DNAJB2: variants seen among roughly 807,000 people sequenced by gnomAD.
The protein encoded by DNAJB2 is DnaJ heat shock protein family (Hsp40) member B2.
Under a neutral mutation model 33.3 loss-of-function variants are expected in DNAJB2, and 19 were observed. The observed-to-expected ratio is 0.57, with a 90% CI of 0.40 to 0.84. DNAJB2 has a LOEUF of 0.84. DNAJB2 is among the 40% of genes least tolerant of loss of function. The pLI is 0.00. For synonymous variants in DNAJB2, 172 were observed against 164.6 expected, an observed-to-expected ratio of 1.04 and a Z score of -0.34; for missense variants, 368 against 430.9, an observed-to-expected ratio of 0.85 and a Z score of 1.29.
At chr2:219,281,227 G>GCACACA in intron 3 of DNAJB2, 1 of 186,034 alleles carries the variant, frequency 5.4e-6, no homozygotes, top group Non-Finnish European at 1.1e-5. Flanking sequence ...CACCTACCAG[G>GCACACA]CACACACACA....
intron 5 of DNAJB2, chr2:219,282,600 G>A (rs999678512): frequency 2.2e-6 from 1 of 450,846 alleles, no homozygotes; most frequent in Middle Eastern, 5.0e-4. Context: ...AGAGCCATCT[G>A]TCCTCCATCC....
chr2:219,279,972 A>T lies in DNAJB2; in HGVS notation c.65+74A>T, dbSNP rs1951889757. Reference sequence around the variant, plus strand: ...CCACCATGGGGCACTTCAGAGTGACACCTGTAGGTGTCTGAGGGAACCAGG... The same window carrying T: ...CCACCATGGGGCACTTCAGAGTGACTCCTGTAGGTGTCTGAGGGAACCAGG... On this transcript the variant is annotated intron_variant, in intron 2 of 8. Coordinates refer to ENST00000336576, the MANE Select transcript of DNAJB2 (RefSeq NM_006736.6). The surrounding 1 kb of genome is among the most constrained non-coding windows in gnomAD (Gnocchi z 4.9). 27 of 1,554,196 alleles carry T rather than the reference A, an allele frequency of 1.7e-5. No individual in the cohort carries two copies. In the South Asian group the frequency reaches 2.9e-4, roughly 17 times the overall value.
At position 219,280,632 on chromosome 2, in the gene DNAJB2, G is replaced by A. The variant is rs1951895926; in HGVS notation, c.120G>A (p.Glu40=). Residue 40 remains glutamate, a synonymous_variant, in exon 3 of 9, where the codon GAG becomes GAA. Coordinates refer to ENST00000336576, the MANE Select transcript of DNAJB2 (RefSeq NM_006736.6). ...CAGACAAAAACCCAGATAATAAAGA[G>A]TTTGCTGAGAAGAAATTTAAGGAGG... is the stretch of plus-strand genomic sequence containing the variant. ...WHPDKNPDNK[E]FAEKKFKEVA... 6.2e-7 allele frequency: 1 copy of A among 1,614,152 alleles called. No homozygotes were observed. The highest frequency in any genetic ancestry group is 8.5e-7 in the Non-Finnish European group (1 of 1,180,012).
chr2:219,284,643 G>C lies in DNAJB2; in HGVS notation c.631G>C (p.Asp211His). The C allele has an allele frequency of 6.3e-7, 1 of 1,587,584 alleles. No individual in the cohort carries two copies. Among genetic ancestry groups the C allele is most frequent in the South Asian group, 1.1e-5 (1 of 89,100 alleles). ...TGTGACTCTTGCAGGTGTCCCAGAT[G>C]ACCTGGCACTGGGCTTGGAGCTGAG... ...KSVTINGVPD[D>H]LALGLELSRR... is the part of the protein sequence containing the mutation. Residue 211 changes from aspartate (D) to histidine (H), a missense_variant, in exon 9 of 9, where the codon GAC becomes CAC. Transcript: ENST00000336576.
chr2:219,282,808 A>G (rs1951917312), intron 5 of DNAJB2, 29 bp from the exon 6 acceptor site: 1 of 1,530,520 alleles, frequency 6.5e-7, no homozygotes, highest in Middle Eastern at 1.8e-4. Flanking sequence ...TCATTACCAG[A>G]TGACTGCTAA....
At position 219,286,177 on chromosome 2, in the gene DNAJB2, C is replaced by A; in HGVS notation, c.*1190C>A. The A allele has an allele frequency of 1.3e-6, 1 of 741,974 alleles. No individual in the cohort carries two copies. Among genetic ancestry groups the A allele is most frequent in the Non-Finnish European group, 2.1e-6 (1 of 469,738 alleles). 46.0% of individuals were successfully genotyped at this position (741,974 alleles called of 1,614,324 possible). A position where few individuals can be genotyped will look rare whatever the true frequency, so the allele number is the denominator to read the frequency against. ...TAGTCTTAGCCTGTGCACTCTCTTCCTTGGGTGTTTGGTGCTGGCTCCTGG... is the reference window on the plus strand; with the variant it reads ...TAGTCTTAGCCTGTGCACTCTCTTCATTGGGTGTTTGGTGCTGGCTCCTGG... On this transcript the variant is annotated 3_prime_UTR_variant, in exon 9 of 9. Coordinates refer to ENST00000336576, the MANE Select transcript of DNAJB2 (RefSeq NM_006736.6).
In DNAJB2 at chr2:219,283,564, G is replaced by C. The variant is rs990934672; in HGVS notation, c.619+75G>C. 29 of 1,463,902 alleles carry C rather than the reference G, an allele frequency of 2.0e-5. No homozygotes were observed. In the African/African-American group the frequency reaches 3.6e-4, roughly 18 times the overall value. The allele number at this position is 1,463,902 out of a possible 1,614,324, so 90.7% of individuals were successfully genotyped here. ...ACCTCAGCAGCCTCCTCCCCAAACTGCTGCTCTCTGAACTCACTTAGGGCT... is the reference window on the plus strand; with the variant it reads ...ACCTCAGCAGCCTCCTCCCCAAACTCCTGCTCTCTGAACTCACTTAGGGCT... On this transcript the variant is annotated intron_variant, in intron 8 of 8. Coordinates refer to ENST00000336576, the MANE Select transcript of DNAJB2 (RefSeq NM_006736.6).
Position 219,285,633 on chromosome 2 carries a change from C to G in DNAJB2, c.*646C>G. Reference sequence around the variant, plus strand: ...AGGCCTCAATGTGGCGAGGAAGATGCTGGGGCCGGTAGGGCTGTGAGATCT... The same window carrying G: ...AGGCCTCAATGTGGCGAGGAAGATGGTGGGGCCGGTAGGGCTGTGAGATCT... On this transcript the variant is annotated 3_prime_UTR_variant, in exon 9 of 9. Coordinates refer to ENST00000336576, the MANE Select transcript of DNAJB2 (RefSeq NM_006736.6). 2 of 1,113,750 alleles carry G rather than the reference C, an allele frequency of 1.8e-6. No individual in the cohort carries two copies. The highest frequency in any genetic ancestry group is 2.2e-6 in the Non-Finnish European group (2 of 911,606). 69.0% of individuals were successfully genotyped at this position (1,113,750 alleles called of 1,614,324 possible). A position where few individuals can be genotyped will look rare whatever the true frequency, so the allele number is the denominator to read the frequency against.
intron 4 of DNAJB2, 48 bp downstream of exon 4, chr2:219,281,819 A>AG: frequency 6.2e-7 from 1 of 1,613,288 alleles, no homozygotes. Context: ...CAGGGAGGAG[A>AG]GGGGCAGGGC....
rs376729501 is a variant in DNAJB2 at position 219,285,965 on chromosome 2, C to T, written c.*978C>T. 1 of 1,611,680 alleles carries T rather than the reference C, an allele frequency of 6.2e-7. No individual in the cohort carries two copies. The highest frequency in any genetic ancestry group is 1.3e-5 in the African/African-American group (1 of 74,936). On this transcript the variant is annotated 3_prime_UTR_variant, in exon 9 of 9. Coordinates refer to ENST00000336576, the MANE Select transcript of DNAJB2 (RefSeq NM_006736.6). ...TGCCGCTGACGCTCTCTCCTGTCAC[C>T]CCGCCCCTGCTCTCTCCCCAGATGT... is the stretch of plus-strand genomic sequence containing the variant.
In DNAJB2 at chr2:219,285,056, G is replaced by A; in HGVS notation, c.*69G>A. The A allele has an allele frequency of 7.0e-7, 1 of 1,435,210 alleles. No individual in the cohort carries two copies. Among genetic ancestry groups the A allele is most frequent in the Middle Eastern group, 1.9e-4 (1 of 5,282 alleles). 88.9% of individuals were successfully genotyped at this position (1,435,210 alleles called of 1,614,324 possible). A position where few individuals can be genotyped will look rare whatever the true frequency, so the allele number is the denominator to read the frequency against. On this transcript the variant is annotated 3_prime_UTR_variant, in exon 9 of 9. Transcript: ENST00000336576. Reference sequence around the variant, plus strand: ...TCTGACTCACTGTGGGAAGAGAAGAGGGGAGTATCCTGAGTTGTAGGAACT... The same window carrying A: ...TCTGACTCACTGTGGGAAGAGAAGAAGGGAGTATCCTGAGTTGTAGGAACT...
At chr2:219,283,677 G>T (rs1951927838) in intron 8 of DNAJB2, among the ~76,000 whole-genome samples, 188 bp downstream of exon 8, 1 of 152,220 alleles carries the variant, frequency 6.6e-6, no homozygotes, top group Admixed American at 6.5e-5. Flanking sequence ...AGCCATCGCC[G>T]TCACTGTGAG....
chr2:219,286,110 CG>C lies in DNAJB2; in HGVS notation c.*1127del. On this transcript the variant is annotated 3_prime_UTR_variant, in exon 9 of 9. Coordinates refer to ENST00000336576, the MANE Select transcript of DNAJB2 (RefSeq NM_006736.6). Reference sequence around the variant, plus strand: ...CCCTCACCCATGCTGAGTGTAGAGCCGGGGCCTGGGTGGCGGGTGGGGGCCG... The same window carrying C: ...CCCTCACCCATGCTGAGTGTAGAGCCGGGCCTGGGTGGCGGGTGGGGGCCG... The C allele has an allele frequency of 3.6e-6, 1 of 274,500 alleles. No individual in the cohort carries two copies. The highest frequency in any genetic ancestry group is 4.9e-6 in the Non-Finnish European group (1 of 203,756). The allele number at this position is 274,500 out of a possible 1,614,324, so 17.0% of individuals were successfully genotyped here.
rs1951952323 is a variant in DNAJB2 at position 219,285,995 on chromosome 2, T to G, written c.*1008T>G. 1 of 1,612,892 alleles carries G rather than the reference T, an allele frequency of 6.2e-7. No individual in the cohort carries two copies. Among genetic ancestry groups the G allele is most frequent in the Non-Finnish European group, 8.5e-7 (1 of 1,179,804 alleles). ...CCCTGCTCTCTCCCCAGATGTGTTC[T>G]GAGCTGGATGCCGGGTTCCAGAATC... On this transcript the variant is annotated 3_prime_UTR_variant, in exon 9 of 9. Transcript: ENST00000336576.
At chr2:219,281,907 C>T in intron 4 of DNAJB2, 32 bp from the exon 5 acceptor site, 2 of 1,612,824 alleles carry the variant, frequency 1.2e-6, no homozygotes, top group South Asian at 1.1e-5. Flanking sequence ...AGGATGCATG[C>T]CCTAAGCTCT....
chr2:219,283,322 G>A, intron 7 of DNAJB2, 87 bp downstream of exon 7: 1 of 1,604,316 alleles, frequency 6.2e-7, no homozygotes, highest in African/African-American at 1.3e-5. Flanking sequence ...TGAGGGCAGG[G>A]CCCAGTCTGC....
intron 3 of DNAJB2, 116 bp from the exon 4 acceptor site, chr2:219,281,602 T>G (rs1455162402): frequency 7.0e-7 from 1 of 1,437,528 alleles, no homozygotes; most frequent in African/African-American, 1.4e-5. Context: ...CTGCTGTGCC[T>G]GCTTTCCCCC....
chr2:219,284,018 G>C (rs141817727), intron 8 of DNAJB2, among the ~76,000 whole-genome samples: 2 of 152,180 alleles, frequency 1.3e-5, no homozygotes, highest in Non-Finnish European at 2.9e-5. Context: ...CCAGCACTGC[G>C]TACCAAGCCC....
intron 5 of DNAJB2, 97 bp downstream of exon 5, chr2:219,282,158 G>A (rs1227066146): frequency 6.2e-7 from 1 of 1,602,248 alleles, no homozygotes; most frequent in Non-Finnish European, 8.5e-7. Flanking sequence ...GCTGAGAGGG[G>A]ACGGGAATGC....
Sources: allele counts gnomAD v4.1 joint callset (sites outside exome capture counted in the v4.1 genomes callset), GRCh38; gene constraint gnomAD v4.1.1; non-coding constraint Gnocchi (gnomAD v3.1); transcripts MANE v1.5; gene names NCBI Gene and HGNC (gene_info 2026-07-23, HGNC 2026-07-21).